The following GPRC5D variants were observed in gnomAD, a reference collection of about 807,000 sequenced individuals.
GPRC5D encodes G protein-coupled receptor class C group 5 member D, also known as G protein-coupled receptor family C group 5 member D.
In GPRC5D, 20 loss-of-function variants were observed where a neutral mutation model predicts 29.3. The observed-to-expected ratio is 0.68, with a 90% CI of 0.48 to 0.99. GPRC5D has a LOEUF of 0.99. GPRC5D is among the 50% of genes least tolerant of loss of function. The probability of loss-of-function intolerance (pLI) is 0.00; values close to 1 mark genes in which losing one functional copy is unlikely to be tolerated. For missense variants in GPRC5D, 384 were observed against 423.6 expected (o/e 0.91, Z 0.82); for synonymous variants, 178 against 171.3 (o/e 1.04, Z -0.30).
At position 12,941,530 on chromosome 12, in the gene GPRC5D, CTTAG is replaced by C. The variant is rs200346008; in HGVS notation, c.964-685_964-682del. 2.7e-4 allele frequency among the ~76,000 whole-genome samples: 41 copies of C among 152,260 alleles called. 1 individual carries two copies. In the East Asian group the frequency reaches 6.6e-3, roughly 24 times the overall value. ...TCAGATAACATACCAGAGGGGTTAG[CTTAG>C]TTAGTGGCCTAGTAAATTCATTGAA... On this transcript the variant is annotated intron_variant, in intron 2 of 2. Coordinates refer to ENST00000228887, the Ensembl canonical transcript of GPRC5D.
chr12:12,947,886 AT>A (rs1357340480), intron 1 of GPRC5D, among the ~76,000 whole-genome samples: 2 of 152,062 alleles, frequency 1.3e-5, no homozygotes, highest in African/African-American at 2.4e-5. Context: ...AACACTATTG[AT>A]TTTTTTTCCA....
At chr12:12,946,560 T>G (rs946799610) in intron 1 of GPRC5D, among the ~76,000 whole-genome samples, 1 of 151,750 alleles carries the variant, frequency 6.6e-6, no homozygotes, top group African/African-American at 2.4e-5. Context: ...GTTCAAGTGA[T>G]TCTCATGCCT....
In GPRC5D at chr12:12,942,251, G is replaced by C. The variant is rs762779703; in HGVS notation, c.963+10C>G. ...GTCCCTCCTGGGTGAATATAGGCGA[G>C]TACATTTACCTGCGGCTGAATGGGA... On this transcript the variant is annotated intron_variant, in intron 2 of 2. Coordinates refer to ENST00000228887, the Ensembl canonical transcript of GPRC5D. The C allele has an allele frequency of 1.3e-6, 2 of 1,564,714 alleles. No individual in the cohort carries two copies. The highest frequency in any genetic ancestry group is 1.8e-6 in the Non-Finnish European group (2 of 1,134,944).
chr12:12,946,275 CCTTCCTTCCTTCCTTT>C (rs1190910807), intron 1 of GPRC5D, among the ~76,000 whole-genome samples: 19 of 105,772 alleles, frequency 1.8e-4, no homozygotes, highest in African/African-American at 5.4e-4. Flanking sequence ...TTTCTTCCTT[CCTTCCTTCCTTCCTTT>C]CTTCCTTCCT....
At chr12:12,948,061 C>T (rs564767489) in intron 1 of GPRC5D, 5 of 152,210 alleles carry the variant, frequency 3.3e-5, no homozygotes, top group Admixed American at 1.3e-4. Flanking sequence ...CCTTCGAGCC[C>T]GTTCAATGCT....
At chr12:12,951,137 CACAA>C (rs980177159), upstream of GPRC5D, among the ~76,000 whole-genome samples, 7 of 152,012 alleles carry the variant, frequency 4.6e-5, no homozygotes, top group East Asian at 1.2e-3. Context: ...ACAAAAAACA[CACAA>C]ACAAAAAAAG....
intron 2 of GPRC5D, among the ~76,000 whole-genome samples, chr12:12,941,278 A>G (rs1863140443): frequency 6.6e-6 from 1 of 152,220 alleles, no homozygotes; most frequent in Non-Finnish European, 1.5e-5. Context: ...AAAAGAAGAA[A>G]CATACTGAGC....
chr12:12,944,846 C>T (rs868268969), intron 1 of GPRC5D, among the ~76,000 whole-genome samples: 19,460 of 30,670 alleles, frequency 0.63, 7,271 homozygotes, highest in Middle Eastern at 0.82. Context: ...TCCTTCCTTC[C>T]TTCCTTCTTT....
exon 1 of GPRC5D, chr12:12,950,178 A>G: frequency 6.2e-7 from 1 of 1,613,818 alleles, no homozygotes; most frequent in Non-Finnish European, 8.5e-7. Context: ...GCCCCAGGAC[A>G]CTCAGGAGGA....
At chr12:12,940,577 G>T (rs1863116096), downstream of GPRC5D, among the ~76,000 whole-genome samples, 1 of 152,176 alleles carries the variant, frequency 6.6e-6, no homozygotes, top group Non-Finnish European at 1.5e-5. Context: ...GTCAAGGTAG[G>T]GTGGCCAGCA....
At chr12:12,950,543 A>C, upstream of GPRC5D, 1 of 601,012 alleles carries the variant, frequency 1.7e-6, no homozygotes. Flanking sequence ...GCGGTGGCTC[A>C]CTCCTGTTAT....
upstream of GPRC5D, among the ~76,000 whole-genome samples, chr12:12,951,551 T>A (rs2136508082): frequency 6.6e-6 from 1 of 152,342 alleles, no homozygotes; most frequent in African/African-American, 2.4e-5. Context: ...TGAACAGGCT[T>A]CACTTGATAA....
intron 2 of GPRC5D, among the ~76,000 whole-genome samples, chr12:12,941,240 C>A (rs745767640): frequency 1.2e-4 from 19 of 152,126 alleles, no homozygotes; most frequent in Non-Finnish European, 1.0e-4. Context: ...ATTATTATCT[C>A]ACCTTCATTT....
At chr12:12,946,855 C>G (rs911405742) in intron 1 of GPRC5D, among the ~76,000 whole-genome samples, 11 of 152,122 alleles carry the variant, frequency 7.2e-5, no homozygotes, top group African/African-American at 2.4e-4. Flanking sequence ...AATTATGTGA[C>G]TGGAATCACA....
At chr12:12,942,047 G>A (rs140386944) in intron 2 of GPRC5D, among the ~76,000 whole-genome samples, 35 of 152,316 alleles carry the variant, frequency 2.3e-4, no homozygotes, top group Non-Finnish European at 4.7e-4. Context: ...TGTTGATGGC[G>A]ATGAAGACTG....
upstream of GPRC5D, chr12:12,951,993 AT>A (rs1863509227): frequency 4.6e-5 from 7 of 152,172 alleles, no homozygotes; most frequent in South Asian, 1.2e-3. Context: ...AAAAAAAAAA[AT>A]CAATTGCAAT....
At chr12:12,949,943 C>T (rs949991712) in exon 1 of GPRC5D, 3 of 1,613,790 alleles carry the variant, frequency 1.9e-6, no homozygotes, top group Non-Finnish European at 2.5e-6. Flanking sequence ...ATGAGAGTCA[C>T]ATACTCAGTG....
Position 12,944,845 on chromosome 12 carries a change from CCT to C in GPRC5D, c.896-2519_896-2518del, listed in dbSNP as rs1491135035. Among the ~76,000 whole-genome samples the C allele has an allele frequency of 5.7e-3, 187 of 32,836 alleles. 12 individuals are homozygous for C. Among genetic ancestry groups the C allele is most frequent in the Middle Eastern group, 0.016 (1 of 64 alleles). The allele number at this position is 32,836 out of a possible 152,430, so 21.5% of individuals were successfully genotyped here. A position where few individuals can be genotyped will look rare whatever the true frequency, so the allele number is the denominator to read the frequency against. The stretch of plus-strand genomic sequence containing the variant: ...TCCTTCCTTCCTTCCTTCCTTCCTT[CCT>C]TCCTTCTTTCTTTCTTTCTTTCTTT... On this transcript the variant is annotated intron_variant, in intron 1 of 2. Coordinates refer to ENST00000228887, the Ensembl canonical transcript of GPRC5D.
chr12:12,949,913 A>G (rs761419207), exon 1 of GPRC5D: 14 of 1,613,914 alleles, frequency 8.7e-6, no homozygotes, highest in Non-Finnish European at 1.2e-5. Context: ...ATATTCACAA[A>G]CATCATACCT....
Sources: gnomAD v4.1 joint callset for allele counts (sites outside exome capture counted in the v4.1 genomes callset) on GRCh38, gnomAD v4.1.1 for gene constraint, MANE v1.5 for transcripts, NCBI Gene and HGNC (gene_info 2026-07-23, HGNC 2026-07-21) for gene names.